KCNK10: variants seen among roughly 807,000 people sequenced by gnomAD.
KCNK10 encodes potassium two pore domain channel subfamily K member 10, also known as potassium channel subfamily K member 10.
KCNK10 carries 25 observed loss-of-function variants against 47.7 expected under a neutral mutation model. The observed-to-expected ratio is 0.52, with a 90% CI of 0.38 to 0.73. The LOEUF (loss-of-function observed/expected upper bound fraction) is 0.73. Ranked by LOEUF, KCNK10 falls within the 30% of genes least tolerant of loss-of-function variation. The pLI, the probability that KCNK10 is intolerant of heterozygous loss-of-function variation, is 0.00. For missense variants in KCNK10, 563 were observed against 714.5 expected (o/e 0.79, Z 2.42); for synonymous variants, 303 against 285.6 (o/e 1.06, Z -0.61).
At chr14:88,215,374 A>G (rs1157444628) in intron 4 of KCNK10, among the ~76,000 whole-genome samples, 1 of 152,174 alleles carries the variant, frequency 6.6e-6, no homozygotes, top group East Asian at 1.9e-4. Context: ...AAGGGGTTAA[A>G]GCCCCTTATA....
At chr14:88,220,464 G>T (rs1465235138) in intron 4 of KCNK10, among the ~76,000 whole-genome samples, 19 of 118,090 alleles carry the variant, frequency 1.6e-4, no homozygotes, top group African/African-American at 5.7e-4. Context: ...AATTACTATA[G>T]AGCGAAAGTA....
Position 88,227,492 on chromosome 14 carries a change from A to G in KCNK10, c.564T>C (p.Phe188=), listed in dbSNP as rs1413854071. The G allele has an allele frequency of 6.2e-7, 1 of 1,613,284 alleles. No homozygotes were observed. The highest frequency in any genetic ancestry group is 1.1e-5 in the South Asian group (1 of 90,834). Residue 188 remains phenylalanine (F), a synonymous_variant, in exon 4 of 7, where the codon TTT becomes TTC. Coordinates refer to ENST00000319231, the MANE Select transcript of KCNK10 (RefSeq NM_138317.3). ...TTCCAAAGATGGCATATAAAATACAAAAGATTTTGCCTCCTTCAGTGCTCG... is the reference window on the plus strand; with the variant it reads ...TTCCAAAGATGGCATATAAAATACAGAAGATTTTGCCTCCTTCAGTGCTCG... The part of the protein sequence containing the change: ...IAPSTEGGKI[F]CILYAIFGIP...
rs1416296001 is a variant in KCNK10 at position 88,301,194 on chromosome 14, G to A, written c.52+21553C>T. ...CTTTTAATCTGTCAGAATTAAATAT[G>A]ATAATGTACGCAAAATGCCTGGCAC... is the stretch of plus-strand genomic sequence containing the variant. On this transcript the variant is annotated intron_variant, in intron 1 of 6. Coordinates refer to ENST00000319231, the MANE Select transcript of KCNK10 (RefSeq NM_138317.3). Among the ~76,000 whole-genome samples, 3 of 152,278 alleles carry A rather than the reference G, an allele frequency of 2.0e-5. No individual in the cohort carries two copies. The East Asian group carries it at 5.8e-4, about 29-fold the overall frequency.
At chr14:88,295,812 C>T (rs1050066179) in intron 1 of KCNK10, among the ~76,000 whole-genome samples, 15 of 152,174 alleles carry the variant, frequency 9.9e-5, no homozygotes, top group Admixed American at 2.6e-4. Flanking sequence ...CAACTATGGA[C>T]TGTGAGCTCA....
At chr14:88,192,804 C>T (rs367794023) in intron 4 of KCNK10, among the ~76,000 whole-genome samples, 1 of 152,200 alleles carries the variant, frequency 6.6e-6, no homozygotes, top group Admixed American at 6.5e-5. Flanking sequence ...ATCCACCATT[C>T]GTGAGAATGA....
intron 1 of KCNK10, among the ~76,000 whole-genome samples, chr14:88,286,597 T>C (rs1887765630): frequency 1.3e-5 from 2 of 152,150 alleles, no homozygotes; most frequent in African/African-American, 2.4e-5. Context: ...GTAATTAATT[T>C]ATAAAGAAAA....
rs368325897 is a variant in KCNK10 at position 88,224,447 on chromosome 14, G to C, written c.681+2928C>G. On this transcript the variant is annotated intron_variant, in intron 4 of 6. Transcript: ENST00000319231. Reference sequence around the variant, plus strand: ...TATTCATGTCATAAAAACTCCAATAGTCAGGCATTTTATTATTCTGCAACC... The same window carrying C: ...TATTCATGTCATAAAAACTCCAATACTCAGGCATTTTATTATTCTGCAACC... Among the ~76,000 whole-genome samples the C allele has an allele frequency of 1.8e-4, 27 of 152,288 alleles. 1 individual carries two copies. The highest frequency in any genetic ancestry group is 6.5e-4 in the African/African-American group (27 of 41,546).
At chr14:88,273,300 C>A (rs1046846220) in intron 1 of KCNK10, among the ~76,000 whole-genome samples, 12 of 152,168 alleles carry the variant, frequency 7.9e-5, no homozygotes, top group African/African-American at 2.9e-4. Flanking sequence ...TTATCCCAGT[C>A]TCTGTCTCCA....
upstream of KCNK10, among the ~76,000 whole-genome samples, chr14:88,326,188 C>T (rs1258596723): frequency 7.4e-6 from 1 of 134,572 alleles, no homozygotes; most frequent in African/African-American, 2.9e-5. Flanking sequence ...CCCGCCCCCC[C>T]CCAAAAAAAA....
chr14:88,200,288 A>G (rs1394842123), intron 4 of KCNK10, among the ~76,000 whole-genome samples: 1 of 152,146 alleles, frequency 6.6e-6, no homozygotes, highest in Non-Finnish European at 1.5e-5. Flanking sequence ...GTGAACTAGA[A>G]GAGAAAAAGG....
intron 2 of KCNK10, among the ~76,000 whole-genome samples, chr14:88,246,135 C>T (rs181865614): frequency 7.5e-4 from 114 of 151,962 alleles, no homozygotes; most frequent in African/African-American, 2.5e-3. Flanking sequence ...TGGTGGCGGG[C>T]GCCTGTAGTC....
At chr14:88,292,066 A>G (rs1887891299) in intron 1 of KCNK10, among the ~76,000 whole-genome samples, 1 of 152,208 alleles carries the variant, frequency 6.6e-6, no homozygotes, top group Non-Finnish European at 1.5e-5. Flanking sequence ...GGTGGCCAAG[A>G]ACTCACAAAA....
intron 1 of KCNK10, among the ~76,000 whole-genome samples, chr14:88,314,051 T>C (rs1888379448): frequency 6.6e-6 from 1 of 152,230 alleles, no homozygotes; most frequent in African/African-American, 2.4e-5. Context: ...GTGGTTGTTA[T>C]TGTGATCTTT....
At chr14:88,317,017 T>A (rs954374383) in intron 1 of KCNK10, among the ~76,000 whole-genome samples, 2 of 152,174 alleles carry the variant, frequency 1.3e-5, no homozygotes, top group African/African-American at 4.8e-5. Context: ...TGCTCAGTCT[T>A]AATTCAACCC....
intron 1 of KCNK10, among the ~76,000 whole-genome samples, chr14:88,284,372 A>C (rs1359100763): frequency 1.3e-5 from 2 of 152,160 alleles, no homozygotes; most frequent in Non-Finnish European, 2.9e-5. Flanking sequence ...GGATAGATGT[A>C]CATATGAAAG....
intron 1 of KCNK10, among the ~76,000 whole-genome samples, chr14:88,303,662 G>A (rs115012922): frequency 0.011 from 1,722 of 152,208 alleles, 22 homozygotes; most frequent in African/African-American, 0.039. Context: ...CAGAAGGGAC[G>A]GCCTTAGGTA....
chr14:88,254,398 A>C (rs1328183864), intron 2 of KCNK10, among the ~76,000 whole-genome samples: 2 of 152,130 alleles, frequency 1.3e-5, no homozygotes, highest in Admixed American at 6.5e-5. Context: ...GTGAAATGCT[A>C]TTCCCTTCAG....
chr14:88,210,560 C>T (rs1437596936), intron 4 of KCNK10, among the ~76,000 whole-genome samples: 5 of 152,140 alleles, frequency 3.3e-5, no homozygotes, highest in African/African-American at 7.2e-5. Flanking sequence ...AGGCCCTAGT[C>T]GGCCTGGCAC....
intron 3 of KCNK10, chr14:88,235,103 G>C (rs1886263369): frequency 2.2e-6 from 1 of 456,596 alleles, no homozygotes; most frequent in Non-Finnish European, 4.4e-6. Context: ...CAGAAAACAG[G>C]GAGGTAGGAC....
Sources: allele counts gnomAD v4.1 joint callset (sites outside exome capture counted in the v4.1 genomes callset), GRCh38; gene constraint gnomAD v4.1.1; transcripts MANE v1.5; gene names NCBI Gene and HGNC (gene_info 2026-07-23, HGNC 2026-07-21).